RELL1: variants seen among roughly 807,000 people sequenced by gnomAD.
RELL1 encodes the protein RELT like 1.
A neutral mutation model predicts 23.0 loss-of-function variants in RELL1; 10 were observed. That is an observed-to-expected ratio of 0.43 (90% CI 0.27 to 0.74). RELL1 has a LOEUF of 0.74. RELL1 is among the 30% of genes least tolerant of loss of function. The probability of loss-of-function intolerance (pLI) is 0.19; values close to 1 mark genes in which losing one functional copy is unlikely to be tolerated. For missense variants in RELL1, 315 were observed against 364.4 expected (o/e 0.86, Z 1.10); for synonymous variants, 146 against 146.8 (o/e 0.99, Z 0.04).
intron 2 of RELL1, among the ~76,000 whole-genome samples, chr4:37,648,126 T>C (rs1720773074): frequency 6.6e-6 from 1 of 152,212 alleles, no homozygotes; most frequent in South Asian, 2.1e-4. Flanking sequence ...TCCTACTCAT[T>C]TACCTGGACA....
At chr4:37,593,833 T>C (rs1055168327) in intron 6 of RELL1, among the ~76,000 whole-genome samples, 2 of 151,992 alleles carry the variant, frequency 1.3e-5, no homozygotes, top group Non-Finnish European at 2.9e-5. Context: ...CCACCTTTGG[T>C]CCGGGGGAAG....
Position 37,631,378 on chromosome 4 carries a change from G to A in RELL1, c.*3+7C>T, listed in dbSNP as rs756650929. On this transcript the variant is annotated splice_region_variant and intron_variant, in intron 6 of 6. Coordinates refer to ENST00000454158, the MANE Select transcript of RELL1 (RefSeq NM_001085400.2). The stretch of plus-strand genomic sequence containing the variant: ...CTGCCCCCAATGTCACCAAAACCAC[G>A]GCTCACCTGCTACTCTGTGCCACTG... The A allele has an allele frequency of 1.5e-5, 24 of 1,610,608 alleles. No homozygotes were observed. Among genetic ancestry groups the A allele is most frequent in the Non-Finnish European group, 1.8e-5 (21 of 1,178,450 alleles).
intron 1 of RELL1, among the ~76,000 whole-genome samples, chr4:37,653,743 A>G (rs1383585363): frequency 6.6e-6 from 1 of 152,190 alleles, no homozygotes; most frequent in African/African-American, 2.4e-5. Context: ...TTCCAGCCTC[A>G]GGCAATAAGA....
intron 1 of RELL1, among the ~76,000 whole-genome samples, chr4:37,685,517 C>T (rs572280035): frequency 2.1e-4 from 32 of 152,180 alleles, no homozygotes; most frequent in Non-Finnish European, 4.3e-4. Context: ...ACTTTAGCAT[C>T]TCTGTTGGTG....
intron 6 of RELL1, among the ~76,000 whole-genome samples, chr4:37,595,386 C>G (rs909241971): frequency 2.6e-5 from 4 of 152,104 alleles, no homozygotes; most frequent in Non-Finnish European, 5.9e-5. Context: ...CAATTTTTTT[C>G]AACTGAAATA....
rs182562394 is a variant in RELL1, at chr4:37,668,269, G to A, written c.88+17931C>T. 7.9e-3 allele frequency among the ~76,000 whole-genome samples: 1,018 copies of A among 128,476 alleles called. 14 individuals carry two copies. The highest frequency in any genetic ancestry group is 0.028 in the African/African-American group (957 of 34,610). 84.3% of individuals were successfully genotyped at this position (128,476 alleles called of 152,430 possible). ...CACGGTCTCCCTCTGATACCGAGCC[G>A]AAGCTGGACTGTACTGCTGCCATGT... On this transcript the variant is annotated intron_variant, in intron 1 of 6. Coordinates refer to ENST00000454158, the MANE Select transcript of RELL1 (RefSeq NM_001085400.2).
chr4:37,660,755 G>T (rs1326387945), intron 1 of RELL1, among the ~76,000 whole-genome samples: 5 of 152,190 alleles, frequency 3.3e-5, no homozygotes, highest in African/African-American at 1.2e-4. Flanking sequence ...TAAGAGGCCG[G>T]GCGCGGTGGC....
At chr4:37,620,003 C>T (rs1328519447) in intron 6 of RELL1, among the ~76,000 whole-genome samples, 1 of 152,166 alleles carries the variant, frequency 6.6e-6, no homozygotes, top group Admixed American at 6.5e-5. Context: ...ACTACTACAT[C>T]TTCCATGAGT....
rs182756186 is a variant in RELL1 at position 37,660,035 on chromosome 4, G to A, written c.89-10535C>T. On this transcript the variant is annotated intron_variant, in intron 1 of 6. Transcript: ENST00000454158. Reference sequence around the variant, plus strand: ...TGATAAGTGGATAACCCACATCAAGGTTAGCTGGAAAATAGTTTTTAAGCA... The same window carrying A: ...TGATAAGTGGATAACCCACATCAAGATTAGCTGGAAAATAGTTTTTAAGCA... Among the ~76,000 whole-genome samples, 83 of 152,078 alleles carry A rather than the reference G, an allele frequency of 5.5e-4. 1 individual carries two copies. Among genetic ancestry groups the A allele is most frequent in the African/African-American group, 2.0e-3 (83 of 41,390 alleles).
intron 2 of RELL1, among the ~76,000 whole-genome samples, chr4:37,648,042 T>TGA (rs1720768795): frequency 1.3e-5 from 2 of 152,256 alleles, no homozygotes; most frequent in South Asian, 2.1e-4. Context: ...TCTGCAAAAT[T>TGA]TGTTTCAATA....
intron 6 of RELL1, among the ~76,000 whole-genome samples, chr4:37,621,581 G>A (rs1222572427): frequency 5.3e-5 from 8 of 152,094 alleles, no homozygotes; most frequent in Non-Finnish European, 7.4e-5. Flanking sequence ...TTCATTTTCC[G>A]CTTCCCTCAA....
At chr4:37,594,053 AG>A (rs1328113827) in intron 6 of RELL1, among the ~76,000 whole-genome samples, 1 of 152,218 alleles carries the variant, frequency 6.6e-6, no homozygotes, top group Non-Finnish European at 1.5e-5. Flanking sequence ...ACAGCTCTGT[AG>A]TTTTAAAGAT....
chr4:37,608,193 G>A (rs1209602623), downstream of RELL1, among the ~76,000 whole-genome samples: 5 of 151,966 alleles, frequency 3.3e-5, no homozygotes, highest in Non-Finnish European at 5.9e-5. Flanking sequence ...ATTAAAATTA[G>A]GCCAGTTAGT....
intron 1 of RELL1, among the ~76,000 whole-genome samples, chr4:37,685,045 C>T (rs1303158269): frequency 6.6e-6 from 1 of 152,144 alleles, no homozygotes; most frequent in African/African-American, 2.4e-5. Flanking sequence ...GAAATACGGG[C>T]CTGCTAAAAA....
At chr4:37,590,604 A>G (rs1271740516), downstream of RELL1, 1 of 1,614,174 alleles carries the variant, frequency 6.2e-7, no homozygotes, top group Non-Finnish European at 8.5e-7. Context: ...TCTTCCAGAT[A>G]CCAGCCCCAG....
At chr4:37,671,315 C>T (rs1721827016) in intron 1 of RELL1, among the ~76,000 whole-genome samples, 1 of 152,148 alleles carries the variant, frequency 6.6e-6, no homozygotes, top group African/African-American at 2.4e-5. Context: ...GAGGCTGAGA[C>T]CTACTGAGTT....
chr4:37,634,762 A>C (rs1005996991), intron 5 of RELL1, 125 bp downstream of exon 5: 10 of 843,198 alleles, frequency 1.2e-5, no homozygotes, highest in Non-Finnish European at 1.9e-5. Flanking sequence ...AAACATCTAA[A>C]AAGCCCAGAG....
chr4:37,670,789 A>G (rs1967263), intron 1 of RELL1, among the ~76,000 whole-genome samples: 139,938 of 152,178 alleles, frequency 0.92, 64,390 homozygotes, highest in South Asian at 0.96. Flanking sequence ...GGCCAAGATG[A>G]TCTCTATCTC....
intron 1 of RELL1, among the ~76,000 whole-genome samples, chr4:37,671,259 C>T (rs11096896): frequency 0.74 from 113,265 of 152,062 alleles, 45,565 homozygotes; most frequent in Non-Finnish European, 0.89. Flanking sequence ...TTATCAGAGG[C>T]GTTTGAACCA....
Sources: allele counts gnomAD v4.1 joint callset (sites outside exome capture counted in the v4.1 genomes callset), GRCh38; gene constraint gnomAD v4.1.1; transcripts MANE v1.5; gene names NCBI Gene and HGNC (gene_info 2026-07-23, HGNC 2026-07-21).